Variants in CCDC7 observed in about 807,000 individuals in gnomAD.
CCDC7 encodes coiled-coil domain containing 7, also known as coiled-coil domain-containing protein 7.
Under a neutral mutation model 196.9 loss-of-function variants are expected in CCDC7, and 183 were observed. That is an observed-to-expected ratio of 0.93 (90% CI 0.82 to 1.05). The LOEUF (loss-of-function observed/expected upper bound fraction) is 1.05, where lower values mean the gene tolerates loss of function less well. Among genes scored for constraint, CCDC7 ranks in the 50% least tolerant of loss-of-function variants. The pLI, the probability that CCDC7 is intolerant of heterozygous loss-of-function variation, is 0.00. For synonymous variants in CCDC7, 525 were observed against 484.6 expected (o/e 1.08, Z -1.10); for missense variants, 1,540 against 1,482.2 (o/e 1.04, Z -0.64).
At chr10:32,477,273 G>A (rs1015279307) in intron 8 of CCDC7, among the ~76,000 whole-genome samples, 2 of 150,712 alleles carry the variant, frequency 1.3e-5, no homozygotes, top group African/African-American at 4.9e-5. Context: ...GTGCAATCTC[G>A]ACCCACTGCA....
At chr10:32,446,201 A>T (rs1040223997) in exon 1 of CCDC7, 1 of 152,176 alleles carries the variant, frequency 6.6e-6, no homozygotes, top group Non-Finnish European at 1.5e-5. Flanking sequence ...CCGGGGGCGC[A>T]GAGGCCGGGC....
At chr10:32,721,262 T>A (rs2082376698) in intron 25 of CCDC7, among the ~76,000 whole-genome samples, 1 of 152,156 alleles carries the variant, frequency 6.6e-6, no homozygotes, top group Admixed American at 6.6e-5. Flanking sequence ...GGCCAAAATT[T>A]GTCTCATGAA....
chr10:32,459,347 C>T (rs1459013145), intron 3 of CCDC7, among the ~76,000 whole-genome samples: 1 of 151,966 alleles, frequency 6.6e-6, no homozygotes, highest in African/African-American at 2.4e-5. Flanking sequence ...AAAGTGGGAA[C>T]CTCTAGAGAG....
intron 18 of CCDC7, among the ~76,000 whole-genome samples, chr10:32,614,189 T>G (rs1590620234): frequency 6.6e-6 from 1 of 152,180 alleles, no homozygotes; most frequent in African/African-American, 2.4e-5. Context: ...TTGATCTTTG[T>G]TGATTTAAAG....
chr10:32,785,045 G>T (rs946566427), intron 29 of CCDC7, among the ~76,000 whole-genome samples: 2 of 152,068 alleles, frequency 1.3e-5, no homozygotes, highest in African/African-American at 2.4e-5. Flanking sequence ...CAAAATGTAT[G>T]AAGAACTGTG....
chr10:32,574,046 A>G (rs545114721), intron 16 of CCDC7, among the ~76,000 whole-genome samples: 2 of 152,266 alleles, frequency 1.3e-5, no homozygotes, highest in African/African-American at 4.8e-5. Context: ...AGAATTACAT[A>G]CCATTTAATT....
At chr10:32,694,820 A>C in intron 23 of CCDC7, 59 bp from the exon 25 acceptor site, 15 of 960,938 alleles carry the variant, frequency 1.6e-5, no homozygotes, top group Non-Finnish European at 2.2e-5. Flanking sequence ...TTTGAAATCT[A>C]GAGATTTCAC....
intron 18 of CCDC7, among the ~76,000 whole-genome samples, chr10:32,626,295 T>C (rs2064033580): frequency 6.6e-6 from 1 of 152,104 alleles, no homozygotes; most frequent in African/African-American, 2.4e-5. Context: ...GTGGTTTTAA[T>C]TTTCATTTCC....
intron 11 of CCDC7, among the ~76,000 whole-genome samples, chr10:32,534,996 A>G (rs2050244403): frequency 6.6e-6 from 1 of 151,922 alleles, no homozygotes; most frequent in East Asian, 1.9e-4. Context: ...TGCAGTGTAG[A>G]AACTTGGAGT....
intron 29 of CCDC7, among the ~76,000 whole-genome samples, chr10:32,796,093 G>A (rs1401494348): frequency 6.6e-6 from 1 of 152,004 alleles, no homozygotes; most frequent in African/African-American, 2.4e-5. Context: ...TGTCCTCAGG[G>A]ATATTTCTCA....
At chr10:32,663,603 ACT>A (rs1343332715) in intron 20 of CCDC7, among the ~76,000 whole-genome samples, 1 of 151,950 alleles carries the variant, frequency 6.6e-6, no homozygotes, top group African/African-American at 2.4e-5. Context: ...TTCCTGTACA[ACT>A]CTTTGTATCA....
At chr10:32,689,501 A>G (rs2076832101) in intron 23 of CCDC7, among the ~76,000 whole-genome samples, 1 of 152,156 alleles carries the variant, frequency 6.6e-6, no homozygotes, top group African/African-American at 2.4e-5. Flanking sequence ...ATAGGCACCA[A>G]TCAGCAAAGA....
chr10:32,546,128 A>G (rs186068224), intron 13 of CCDC7, among the ~76,000 whole-genome samples: 139 of 152,264 alleles, frequency 9.1e-4, no homozygotes, highest in African/African-American at 3.1e-3. Flanking sequence ...ATCGAATGCT[A>G]TAACCACTGG....
intron 13 of CCDC7, among the ~76,000 whole-genome samples, chr10:32,560,199 G>A (rs1289612308): frequency 6.6e-6 from 1 of 152,220 alleles, no homozygotes; most frequent in East Asian, 1.9e-4. Flanking sequence ...TGTCTGATTG[G>A]TGTACCTGAA....
At chr10:32,638,292 C>T (rs1383252917) in intron 20 of CCDC7, among the ~76,000 whole-genome samples, 6 of 152,172 alleles carry the variant, frequency 3.9e-5, no homozygotes, top group Admixed American at 2.6e-4. Context: ...TGAGAGAGGA[C>T]ATCCCTGTCT....
intron 20 of CCDC7, among the ~76,000 whole-genome samples, chr10:32,635,916 C>T (rs2065557138): frequency 1.3e-5 from 2 of 151,970 alleles, no homozygotes; most frequent in Non-Finnish European, 2.9e-5. Context: ...ATTTCTTTGT[C>T]CTTCCTATTT....
intron 40 of CCDC7, among the ~76,000 whole-genome samples, chr10:32,852,740 T>G (rs941183039): frequency 2.0e-5 from 3 of 152,198 alleles, no homozygotes; most frequent in African/African-American, 7.2e-5. Flanking sequence ...ACTATTACTT[T>G]TACTTATTTT....
chr10:32,484,392 T>C (rs1307469936), intron 8 of CCDC7, among the ~76,000 whole-genome samples: 1 of 152,200 alleles, frequency 6.6e-6, no homozygotes. Context: ...TAAGGAGATT[T>C]TGGGCTGAGA....
intron 8 of CCDC7, among the ~76,000 whole-genome samples, chr10:32,483,715 G>T (rs2040433781): frequency 6.6e-6 from 1 of 152,118 alleles, no homozygotes; most frequent in South Asian, 2.1e-4. Context: ...TCTACATATG[G>T]CCAGCCAGTT....
Sources: gnomAD v4.1 joint callset for allele counts (sites outside exome capture counted in the v4.1 genomes callset) on GRCh38, gnomAD v4.1.1 for gene constraint, MANE v1.5 for transcripts, NCBI Gene and HGNC (gene_info 2026-07-23, HGNC 2026-07-21) for gene names.